The following RAD54L2 variants were observed in gnomAD, a reference collection of about 807,000 sequenced individuals.
RAD54L2 encodes the protein RAD54 like 2.
RAD54L2 carries 27 observed loss-of-function variants against 138.4 expected under a neutral mutation model. The ratio of observed to expected loss-of-function variants is 0.20; its 90% confidence interval spans 0.14 to 0.27. The LOEUF (loss-of-function observed/expected upper bound fraction) is 0.27. Among genes scored for constraint, RAD54L2 ranks in the 10% least tolerant of loss-of-function variants. RAD54L2 has a pLI of 1.00. For missense variants in RAD54L2, 1,396 were observed against 1,890.2 expected, an observed-to-expected ratio of 0.74 and a Z score of 4.85; for synonymous variants, 644 against 723.2, an observed-to-expected ratio of 0.89 and a Z score of 1.76.
intron 19 of RAD54L2, 145 bp from the exon 20 acceptor site, chr3:51,655,826 A>T: frequency 1.5e-6 from 1 of 656,588 alleles, no homozygotes; most frequent in South Asian, 2.9e-5. Context: ...TTTTGAATTG[A>T]CCAGACCCTG....
rs964162532 is a variant in RAD54L2 at position 51,663,158 on chromosome 3, G to A, written c.4142G>A (p.Ser1381Asn). 2 of 1,613,938 alleles carry A rather than the reference G, an allele frequency of 1.2e-6. No individual in the cohort carries two copies. The highest frequency in any genetic ancestry group is 1.7e-6 in the Non-Finnish European group (2 of 1,179,884). ...CCTTCTGTGCCAGGGATACTACCCA[G>A]CTATTCACTCCCATTCTCACAGCCA... ...LNPSVPGILP[S>N]YSLPFSQPLL... The change falls in exon 23 of 23, where the codon AGC becomes AAC. Residue 1381 changes from serine to asparagine, a missense_variant. This residue lies in a region of RAD54L2 where 634 missense variants were observed against 711.2 expected (regional missense o/e 0.89). Coordinates refer to ENST00000684192, the MANE Select transcript of RAD54L2 (RefSeq NM_015106.4).
Position 51,590,400 on chromosome 3 carries a change from C to G in RAD54L2, c.-21C>G. Reference sequence around the variant, plus strand: ...CAGTGGACCATGAGTCGGTAATGCCCACTGAGGACCTCTGGGAGCCATGTC... The same window carrying G: ...CAGTGGACCATGAGTCGGTAATGCCGACTGAGGACCTCTGGGAGCCATGTC... On this transcript the variant is annotated 5_prime_UTR_variant, in exon 3 of 23. Coordinates refer to ENST00000684192, the MANE Select transcript of RAD54L2 (RefSeq NM_015106.4). The G allele has an allele frequency of 2.0e-6, 3 of 1,511,320 alleles. No homozygotes were observed. The highest frequency in any genetic ancestry group is 2.7e-6 in the Non-Finnish European group (3 of 1,125,594). 93.6% of individuals were successfully genotyped at this position (1,511,320 alleles called of 1,614,324 possible).
intron 19 of RAD54L2, among the ~76,000 whole-genome samples, chr3:51,647,548 A>C (rs1002418675): frequency 6.6e-6 from 1 of 152,132 alleles, no homozygotes; most frequent in African/African-American, 2.4e-5. Flanking sequence ...GTGTGCCTGT[A>C]ATCCCAGCTA....
At chr3:51,593,424 C>T (rs1477710917) in intron 3 of RAD54L2, among the ~76,000 whole-genome samples, 1 of 151,860 alleles carries the variant, frequency 6.6e-6, no homozygotes, top group African/African-American at 2.4e-5. Context: ...CCTCTTCCTC[C>T]CAGGTTTACG....
Position 51,594,400 on chromosome 3 carries a change from AT to A in RAD54L2, c.139+3842del, listed in dbSNP as rs1699910509. 2.0e-5 allele frequency among the ~76,000 whole-genome samples: 3 copies of A among 152,108 alleles called. No individual in the cohort carries two copies. In the South Asian group the frequency reaches 6.2e-4, roughly 31 times the overall value. ...TACTTAATTGTCTGGATAATCTTGT[AT>A]GTTAGGTAGGGTAGATACATTTTAC... On this transcript the variant is annotated intron_variant, in intron 3 of 22. Transcript: ENST00000684192.
At chr3:51,632,099 G>A (rs369006349) in intron 7 of RAD54L2, among the ~76,000 whole-genome samples, 8 of 152,118 alleles carry the variant, frequency 5.3e-5, no homozygotes, top group African/African-American at 7.2e-5. Context: ...TGTGCCTGGC[G>A]GGTTTCATTT....
At chr3:51,620,920 G>T (rs1382095066) in intron 3 of RAD54L2, among the ~76,000 whole-genome samples, 1 of 151,700 alleles carries the variant, frequency 6.6e-6, no homozygotes, top group Non-Finnish European at 1.5e-5. Context: ...GTAACTGTTG[G>T]TGGGTTATAG....
chr3:51,578,524 T>A (rs751962613), intron 2 of RAD54L2, among the ~76,000 whole-genome samples: 1 of 152,132 alleles, frequency 6.6e-6, no homozygotes, highest in African/African-American at 2.4e-5. Context: ...CTGATCTTCA[T>A]TGGTTCTGCT....
At chr3:51,650,063 G>C (rs1403915334) in intron 19 of RAD54L2, among the ~76,000 whole-genome samples, 7 of 149,176 alleles carry the variant, frequency 4.7e-5, no homozygotes, top group Non-Finnish European at 6.0e-5. Context: ...GAGACACACA[G>C]AAGCTCAAAA....
At chr3:51,647,618 G>A (rs1009177944) in intron 19 of RAD54L2, among the ~76,000 whole-genome samples, 1 of 152,096 alleles carries the variant, frequency 6.6e-6, no homozygotes, top group African/African-American at 2.4e-5. Flanking sequence ...GTGGTGAGCC[G>A]AGATCGCGCC....
At chr3:51,628,457 C>G (rs1700745719) in intron 4 of RAD54L2, among the ~76,000 whole-genome samples, 1 of 152,052 alleles carries the variant, frequency 6.6e-6, no homozygotes, top group South Asian at 2.1e-4. Flanking sequence ...GTGGCGTGAT[C>G]TTGGCTCACT....
chr3:51,609,698 T>TTG (rs5848928), intron 3 of RAD54L2, among the ~76,000 whole-genome samples: 2,111 of 141,148 alleles, frequency 0.015, 36 homozygotes, highest in Admixed American at 0.047. Context: ...TTGTGGGCAT[T>TTG]TGTGTGTGTG....
chr3:51,559,315 T>G (rs986037870), intron 2 of RAD54L2, among the ~76,000 whole-genome samples: 5 of 152,248 alleles, frequency 3.3e-5, no homozygotes, highest in African/African-American at 1.2e-4. Context: ...ATCTTGAATC[T>G]TAATGAGGGT....
At chr3:51,606,366 A>T (rs1464859554) in intron 3 of RAD54L2, among the ~76,000 whole-genome samples, 4 of 152,156 alleles carry the variant, frequency 2.6e-5, no homozygotes, top group African/African-American at 9.7e-5. Context: ...TGGCAATGGT[A>T]TGGAGAGGAG....
At chr3:51,551,053 G>A (rs187525003) in intron 2 of RAD54L2, among the ~76,000 whole-genome samples, 56 of 152,208 alleles carry the variant, frequency 3.7e-4, no homozygotes, top group Admixed American at 3.6e-3. Context: ...ATTTGTGTAC[G>A]TGTGTAAGAG....
At position 51,662,633 on chromosome 3, in the gene RAD54L2, C is replaced by A. The variant is rs778374077; in HGVS notation, c.3617C>A (p.Pro1206Gln). ...ACCAATGCCGCCCTGCCTGGCCCCC[C>A]GGCCCAACTTATGGACAGCAGTGCT... ...PSTNAALPGPPAQLMDSSAVP... is the reference protein window; with the variant it reads ...PSTNAALPGPQAQLMDSSAVP... The change falls in exon 23 of 23, where the codon CCG becomes CAG. Residue 1206 changes from proline (P) to glutamine (Q), a missense_variant. Around this residue, in one of 7 missense-constraint regions of RAD54L2, gnomAD observed 634 missense variants for 711.2 expected, o/e 0.89. Transcript: ENST00000684192. This position sits in a 1 kb window ranked among gnomAD's most constrained non-coding sequence, Gnocchi z 4.6. 6.2e-7 allele frequency: 1 copy of A among 1,612,308 alleles called. No homozygotes were observed. The highest frequency in any genetic ancestry group is 8.5e-7 in the Non-Finnish European group (1 of 1,179,042).
intron 3 of RAD54L2, among the ~76,000 whole-genome samples, chr3:51,605,484 C>T (rs561043364): frequency 7.8e-5 from 9 of 115,518 alleles, no homozygotes; most frequent in Admixed American, 1.0e-4. Flanking sequence ...TGGAGTTTCA[C>T]TCTTGTTGCC....
intron 21 of RAD54L2, 44 bp from the exon 22 acceptor site, chr3:51,659,982 A>G: frequency 6.8e-7 from 1 of 1,473,220 alleles, no homozygotes; most frequent in Non-Finnish European, 9.3e-7. Flanking sequence ...GGTTGGCTGT[A>G]TTATATGTCT....
Position 51,663,286 on chromosome 3 carries a change from G to A in RAD54L2, c.4270G>A (p.Ala1424Thr), listed in dbSNP as rs1315029707. 1 of 1,613,962 alleles carries A rather than the reference G, an allele frequency of 6.2e-7. No homozygotes were observed. The highest frequency in any genetic ancestry group is 2.2e-5 in the East Asian group (1 of 44,876). The stretch of plus-strand genomic sequence containing the variant: ...CTATCCAGGCTACATGTCCCCACAT[G>A]CAGGCTACCCAGCTGGTGGCCTCCT... ...SIYPGYMSPH[A>T]GYPAGGLLRS... Residue 1424 changes from alanine to threonine, a missense_variant, in exon 23 of 23, where the codon GCA becomes ACA. Physicochemically the swap from Ala to Thr is moderately conservative, Grantham distance 58 (BLOSUM62 0). This residue lies in a region of RAD54L2 where 634 missense variants were observed against 711.2 expected (regional missense o/e 0.89). Coordinates refer to ENST00000684192, the MANE Select transcript of RAD54L2 (RefSeq NM_015106.4).
Sources: gnomAD v4.1 joint callset for allele counts (sites outside exome capture counted in the v4.1 genomes callset) on GRCh38, gnomAD v4.1.1 for gene constraint, gnomAD v4.1.1 regional missense constraint, Gnocchi (gnomAD v3.1) non-coding constraint, MANE v1.5 for transcripts, NCBI Gene and HGNC (gene_info 2026-07-23, HGNC 2026-07-21) for gene names.